LSAMP: variants seen among roughly 807,000 people sequenced by gnomAD.
LSAMP encodes the protein limbic system-associated membrane protein.
A neutral mutation model predicts 38.6 loss-of-function variants in LSAMP; 7 were observed. That is an observed-to-expected ratio of 0.18 (90% CI 0.10 to 0.34). LSAMP has a LOEUF of 0.34. LSAMP is among the 10% of genes least tolerant of loss of function. The probability of loss-of-function intolerance (pLI) is 1.00; values close to 1 mark genes in which losing one functional copy is unlikely to be tolerated. For synonymous variants in LSAMP, 154 were observed against 166.8 expected (o/e 0.92, Z 0.59); for missense variants, 313 against 420.0 (o/e 0.75, Z 2.23).
intron 3 of LSAMP, among the ~76,000 whole-genome samples, chr3:115,905,327 T>C (rs1180229405): frequency 6.6e-6 from 1 of 152,104 alleles, no homozygotes; most frequent in African/African-American, 2.4e-5. Flanking sequence ...AACTCACAGT[T>C]GCTCTAATAT....
At chr3:116,099,069 A>G (rs1708287822) in intron 1 of LSAMP, among the ~76,000 whole-genome samples, 1 of 152,218 alleles carries the variant, frequency 6.6e-6, no homozygotes, top group African/African-American at 2.4e-5. Context: ...GAGAGAAGTC[A>G]AAGGCCATCA....
intron 1 of LSAMP, among the ~76,000 whole-genome samples, chr3:116,174,881 G>A (rs774331245): frequency 6.6e-6 from 1 of 152,048 alleles, no homozygotes; most frequent in Non-Finnish European, 1.5e-5. Context: ...CTTTGAACCT[G>A]GCTATATGTG....
chr3:116,302,664 C>T (rs567873412), intron 1 of LSAMP, among the ~76,000 whole-genome samples: 10 of 152,292 alleles, frequency 6.6e-5, no homozygotes, highest in Non-Finnish European at 8.8e-5. Context: ...TTTAGTAAAA[C>T]ATAACAGTCA....
At chr3:115,828,482 G>A (rs1471505677) in intron 6 of LSAMP, among the ~76,000 whole-genome samples, 8 of 152,184 alleles carry the variant, frequency 5.3e-5, no homozygotes, top group Non-Finnish European at 8.8e-5. Context: ...GTTTCTCACA[G>A]TCGACTGCTA....
At chr3:116,394,831 C>T (rs2048747553) in intron 1 of LSAMP, among the ~76,000 whole-genome samples, 1 of 152,108 alleles carries the variant, frequency 6.6e-6, no homozygotes, top group Admixed American at 6.5e-5. Flanking sequence ...TAAAATCTTT[C>T]CCCCTCACCT....
chr3:116,034,627 C>T (rs1162492567), intron 2 of LSAMP, among the ~76,000 whole-genome samples: 3 of 152,126 alleles, frequency 2.0e-5, no homozygotes, highest in African/African-American at 7.2e-5. Flanking sequence ...ATACTCAGGG[C>T]CACTTGTGAT....
intron 3 of LSAMP, among the ~76,000 whole-genome samples, chr3:115,948,899 G>A (rs1168743358): frequency 2.6e-5 from 4 of 152,176 alleles, no homozygotes; most frequent in African/African-American, 9.7e-5. Context: ...TTGGGAGGCT[G>A]AGGCAGGCAG....
At chr3:115,915,848 G>T (rs905807541) in intron 3 of LSAMP, among the ~76,000 whole-genome samples, 3 of 151,970 alleles carry the variant, frequency 2.0e-5, no homozygotes, top group African/African-American at 7.3e-5. Context: ...GGCCAGGATG[G>T]TCTCAATCTC....
intron 3 of LSAMP, among the ~76,000 whole-genome samples, chr3:115,907,174 T>G (rs1317261630): frequency 6.6e-6 from 1 of 152,168 alleles, no homozygotes; most frequent in African/African-American, 2.4e-5. Flanking sequence ...ATCTAATTCC[T>G]GTCTAGTTTC....
At chr3:116,438,675 C>A (rs922478618) in intron 1 of LSAMP, among the ~76,000 whole-genome samples, 10 of 152,102 alleles carry the variant, frequency 6.6e-5, no homozygotes, top group African/African-American at 2.4e-4. Context: ...CTGTTTTCTC[C>A]CTTAGTGATA....
intron 1 of LSAMP, among the ~76,000 whole-genome samples, chr3:116,271,256 G>A (rs1468011065): frequency 6.6e-6 from 1 of 151,936 alleles, no homozygotes; most frequent in Non-Finnish European, 1.5e-5. Flanking sequence ...AAAAATAACT[G>A]TCTGGTAAAT....
intron 2 of LSAMP, among the ~76,000 whole-genome samples, chr3:116,043,646 A>G (rs957734873): frequency 1.3e-5 from 2 of 152,242 alleles, no homozygotes; most frequent in Non-Finnish European, 2.9e-5. Context: ...TATGAAAATG[A>G]AAATAAAAAA....
At chr3:116,245,876 T>C (rs900520767) in intron 1 of LSAMP, among the ~76,000 whole-genome samples, 5 of 152,112 alleles carry the variant, frequency 3.3e-5, no homozygotes, top group African/African-American at 1.2e-4. Flanking sequence ...CCTATGGCCA[T>C]TTTCATTATG....
intron 1 of LSAMP, among the ~76,000 whole-genome samples, chr3:116,310,940 A>G (rs2047550671): frequency 6.7e-6 from 1 of 149,928 alleles, no homozygotes; most frequent in Admixed American, 6.6e-5. Flanking sequence ...TAAATCATGG[A>G]TATGAATAGT....
intron 1 of LSAMP, among the ~76,000 whole-genome samples, chr3:116,219,495 G>A (rs553863871): frequency 2.0e-5 from 3 of 152,186 alleles, no homozygotes; most frequent in Admixed American, 6.5e-5. Context: ...TGGATCATAT[G>A]GTAGTTCCAT....
intron 1 of LSAMP, among the ~76,000 whole-genome samples, chr3:116,236,281 A>T (rs780839024): frequency 1.1e-4 from 16 of 152,148 alleles, no homozygotes; most frequent in Non-Finnish European, 1.8e-4. Context: ...ATAAAACTCA[A>T]AAAATAAAAA....
chr3:116,209,049 G>A (rs1054483737), intron 1 of LSAMP, among the ~76,000 whole-genome samples: 3 of 152,200 alleles, frequency 2.0e-5, no homozygotes, highest in Non-Finnish European at 4.4e-5. Flanking sequence ...AGCAATCAGC[G>A]AGACTCCTTG....
chr3:115,942,985 A>T (rs981174202), intron 3 of LSAMP, among the ~76,000 whole-genome samples: 1 of 152,232 alleles, frequency 6.6e-6, no homozygotes, highest in Non-Finnish European at 1.5e-5. Flanking sequence ...ACAATGCAAT[A>T]AAAAGGTATT....
At chr3:116,231,995 T>G (rs907900752) in intron 1 of LSAMP, among the ~76,000 whole-genome samples, 3 of 152,218 alleles carry the variant, frequency 2.0e-5, no homozygotes, top group African/African-American at 7.2e-5. Flanking sequence ...TTAAGTCTTG[T>G]ATCCCTGATA....
Sources: gnomAD v4.1 joint callset for allele counts (sites outside exome capture counted in the v4.1 genomes callset) on GRCh38, gnomAD v4.1.1 for gene constraint, MANE v1.5 for transcripts, NCBI Gene and HGNC (gene_info 2026-07-23, HGNC 2026-07-21) for gene names.